MYO9A: variants seen among roughly 807,000 people sequenced by gnomAD.
The protein encoded by MYO9A is unconventional myosin-IXa.
MYO9A carries 103 observed loss-of-function variants against 293.3 expected under a neutral mutation model. The ratio of observed to expected loss-of-function variants is 0.35; its 90% confidence interval spans 0.30 to 0.41. MYO9A has a LOEUF of 0.41. Among genes scored for constraint, MYO9A ranks in the 10% least tolerant of loss-of-function variants. The pLI, the probability that MYO9A is intolerant of heterozygous loss-of-function variation, is 1.00. For missense variants in MYO9A, 2,685 were observed against 3,033.0 expected, an observed-to-expected ratio of 0.89 and a Z score of 2.69; for synonymous variants, 1,001 against 1,035.7, an observed-to-expected ratio of 0.97 and a Z score of 0.64.
chr15:71,928,714 T>C (rs1307738837), intron 18 of MYO9A, among the ~76,000 whole-genome samples: 1 of 152,100 alleles, frequency 6.6e-6, no homozygotes, highest in African/African-American at 2.4e-5. Context: ...GTAAATGGGA[T>C]GGTTTCCTTA....
intron 15 of MYO9A, among the ~76,000 whole-genome samples, chr15:71,948,048 G>T (rs2058961785): frequency 6.6e-6 from 1 of 152,130 alleles, no homozygotes; most frequent in South Asian, 2.1e-4. Context: ...GAAAGAGAAG[G>T]AGGAAAGGCC....
At chr15:72,033,458 A>T (rs1566967558) in intron 2 of MYO9A, among the ~76,000 whole-genome samples, 1 of 152,228 alleles carries the variant, frequency 6.6e-6, no homozygotes, top group Non-Finnish European at 1.5e-5. Context: ...CACCCAAAGT[A>T]TGTACCTTAC....
intron 32 of MYO9A, among the ~76,000 whole-genome samples, chr15:71,862,954 G>A (rs1341540942): frequency 1.5e-5 from 2 of 134,362 alleles, no homozygotes; most frequent in Non-Finnish European, 3.1e-5. Flanking sequence ...TTGAGACTTA[G>A]TCTTGCTATG....
At position 72,099,437 on chromosome 15, in the gene MYO9A, A is replaced by G. The variant is rs1320589568; in HGVS notation, c.-72+18243T>C. 3.3e-4 allele frequency among the ~76,000 whole-genome samples: 49 copies of G among 150,528 alleles called. 1 individual carries two copies. The highest frequency in any genetic ancestry group is 2.1e-3 in the Admixed American group (32 of 15,120). Reference sequence around the variant, plus strand: ...GACCCTGCCCCAAAAAAAAAAAAAAAAAAAAGAAAAAAAAATTAGCCAGGT... The same window carrying G: ...GACCCTGCCCCAAAAAAAAAAAAAAGAAAAAGAAAAAAAAATTAGCCAGGT... On this transcript the variant is annotated intron_variant, in intron 1 of 41. Transcript: ENST00000356056.
At chr15:72,045,512 C>G (rs1446184914) in intron 2 of MYO9A, 1 of 420,854 alleles carries the variant, frequency 2.4e-6, no homozygotes, top group East Asian at 4.0e-5. Flanking sequence ...GTGATCCACC[C>G]ACCTAGGCCT....
intron 1 of MYO9A, among the ~76,000 whole-genome samples, chr15:72,076,655 A>C (rs757029140): frequency 1.3e-5 from 2 of 152,248 alleles, no homozygotes; most frequent in Non-Finnish European, 2.9e-5. Context: ...AGTATTACTA[A>C]GATGTGAATT....
rs551567747 is a variant in MYO9A at position 71,875,843 on chromosome 15, CAG to C, written c.5932-7_5932-6del. 3.1e-5 allele frequency: 43 copies of C among 1,366,058 alleles called. 1 individual carries two copies. Among genetic ancestry groups the C allele is most frequent in the South Asian group, 3.1e-4 (16 of 51,160 alleles). 84.6% of individuals were successfully genotyped at this position (1,366,058 alleles called of 1,614,324 possible). On this transcript the variant is annotated splice_polypyrimidine_tract_variant and splice_region_variant and intron_variant, in intron 31 of 41. Coordinates refer to ENST00000356056, the MANE Select transcript of MYO9A (RefSeq NM_006901.4). ...CTTTCTTTCTGTTTTTGGCACCTGA[CAG>C]GGGGACAGGAGATATATGGAAATTG...
intron 39 of MYO9A, among the ~76,000 whole-genome samples, chr15:71,830,689 A>G (rs979804715): frequency 6.6e-6 from 1 of 152,218 alleles, no homozygotes; most frequent in Non-Finnish European, 1.5e-5. Context: ...CCACATTTCA[A>G]GTGCTCAATA....
At chr15:72,005,944 T>C (rs111247683) in intron 8 of MYO9A, among the ~76,000 whole-genome samples, 1 of 152,176 alleles carries the variant, frequency 6.6e-6, no homozygotes, top group African/African-American at 2.4e-5. Context: ...AAGTTATTCA[T>C]AACTGTCAAA....
Position 71,962,110 on chromosome 15 carries a change from G to A in MYO9A, c.1987-2014C>T, listed in dbSNP as rs181060839. ...CAAAGAACAGAGGTTGGAGGAGCTA[G>A]AACATAAGAAAATGGGTTAAAATGC... On this transcript the variant is annotated intron_variant, in intron 13 of 41. Transcript: ENST00000356056. Among the ~76,000 whole-genome samples the A allele has an allele frequency of 2.4e-3, 364 of 152,252 alleles. 2 individuals are homozygous for A. The highest frequency in any genetic ancestry group is 3.8e-3 in the Admixed American group (58 of 15,300).
chr15:72,010,142 C>T (rs534602420), intron 7 of MYO9A, among the ~76,000 whole-genome samples: 6 of 152,252 alleles, frequency 3.9e-5, no homozygotes, highest in African/African-American at 7.2e-5. Context: ...TAAGGATGTA[C>T]ATTTTACAAC....
At chr15:71,921,423 C>T (rs1190332355) in intron 18 of MYO9A, among the ~76,000 whole-genome samples, 3 of 152,188 alleles carry the variant, frequency 2.0e-5, no homozygotes, top group African/African-American at 7.2e-5. Flanking sequence ...GATCTCAGAT[C>T]ATTTTGACTT....
chr15:72,032,510 T>C lies in MYO9A; in HGVS notation c.919A>G (p.Thr307Ala), dbSNP rs1435564997. Reference sequence around the variant, plus strand: ...AGTACTTACCCAAGTACAGTGCCTGTTTCCTGGTAATTTACTTGAATAAAC... The same window carrying C: ...AGTACTTACCCAAGTACAGTGCCTGCTTCCTGGTAATTTACTTGAATAAAC... ...GKFIQVNYQE[T>A]GTVLGAYVEK... Residue 307 changes from threonine to alanine, a missense_variant, in exon 3 of 42, where the codon ACA becomes GCA. Physicochemically the swap from Thr to Ala is moderately conservative, Grantham distance 58 (BLOSUM62 0). Coordinates refer to ENST00000356056, the MANE Select transcript of MYO9A (RefSeq NM_006901.4). 4.4e-6 allele frequency: 7 copies of C among 1,605,096 alleles called. No homozygotes were observed. The highest frequency in any genetic ancestry group is 1.3e-5 in the African/African-American group (1 of 74,310).
intron 1 of MYO9A, among the ~76,000 whole-genome samples, chr15:72,074,149 GATAATA>G (rs931300255): frequency 6.6e-6 from 1 of 151,908 alleles, no homozygotes; most frequent in Non-Finnish European, 1.5e-5. Flanking sequence ...ATTAATGTGT[GATAATA>G]ATAATAAATT....
rs146472701 is a variant in MYO9A, at chr15:71,897,954, G to A, written c.4549C>T (p.Arg1517Cys). Residue 1517 changes from arginine (R) to cysteine (C), a missense_variant, in exon 25 of 42, where the codon CGC becomes TGC. Physicochemically the swap from Arg to Cys is radical, Grantham distance 180. This residue lies in a region of MYO9A where 1,434 missense variants were observed against 1,497.7 expected (regional missense o/e 0.96). Coordinates refer to ENST00000356056, the MANE Select transcript of MYO9A (RefSeq NM_006901.4). Reference protein sequence around the residue: ...QNEKEMMEQIRQQTDILEKER... With the variant: ...QNEKEMMEQICQQTDILEKER... ...TTCTCTAAAATATCTGTTTGCTGGC[G>A]AATCTGTTCCATCATCTCTTTTTCA... 1,023 of 1,614,080 alleles carry A rather than the reference G, an allele frequency of 6.3e-4. No individual in the cohort carries two copies. Among genetic ancestry groups the A allele is most frequent in the Non-Finnish European group, 7.8e-4 (918 of 1,180,026 alleles).
At chr15:71,962,162 T>C (rs563664913) in intron 13 of MYO9A, among the ~76,000 whole-genome samples, 1 of 152,296 alleles carries the variant, frequency 6.6e-6, no homozygotes, top group South Asian at 2.1e-4. Flanking sequence ...GAGAGTAAGC[T>C]TCCACTCTGG....
At chr15:71,863,103 T>C (rs1403033265) in intron 32 of MYO9A, among the ~76,000 whole-genome samples, 1 of 150,624 alleles carries the variant, frequency 6.6e-6, no homozygotes, top group Non-Finnish European at 1.5e-5. Context: ...TTTTTGTATA[T>C]ATTTTTTTTT....
At chr15:71,925,833 T>C (rs776385186) in intron 18 of MYO9A, among the ~76,000 whole-genome samples, 3 of 152,240 alleles carry the variant, frequency 2.0e-5, no homozygotes, top group Non-Finnish European at 4.4e-5. Flanking sequence ...ATTAATAATA[T>C]ATTCTGAGTT....
At chr15:72,062,907 AGCTACT>A (rs2078914573) in intron 1 of MYO9A, among the ~76,000 whole-genome samples, 1 of 152,220 alleles carries the variant, frequency 6.6e-6, no homozygotes, top group South Asian at 2.1e-4. Context: ...TTGTGGTCCC[AGCTACT>A]AAGGAGGCTG....
Sources: allele counts gnomAD v4.1 joint callset (sites outside exome capture counted in the v4.1 genomes callset), GRCh38; gene constraint gnomAD v4.1.1; regional missense constraint gnomAD v4.1.1; transcripts MANE v1.5; gene names NCBI Gene and HGNC (gene_info 2026-07-23, HGNC 2026-07-21).